Variants in ITSN1 observed in about 807,000 individuals in gnomAD.
ITSN1 encodes intersectin-1.
ITSN1 carries 58 observed loss-of-function variants against 239.8 expected under a neutral mutation model. The ratio of observed to expected loss-of-function variants is 0.24; its 90% CI spans 0.20 to 0.30. The LOEUF is 0.30. ITSN1 is among the 10% of genes least tolerant of loss of function. The pLI is 1.00. For missense variants in ITSN1, 1,558 were observed against 2,103.3 expected, an observed-to-expected ratio of 0.74 and a Z score of 5.07; for synonymous variants, 780 against 770.8, an observed-to-expected ratio of 1.01 and a Z score of -0.20.
intron 26 of ITSN1, chr21:33,828,891 A>G: frequency 4.4e-6 from 2 of 457,400 alleles, no homozygotes; most frequent in Non-Finnish European, 4.5e-6. Flanking sequence ...TTTCACATTC[A>G]GGAAAAGTAC....
intron 26 of ITSN1, chr21:33,828,879 CT>C (rs2074125320): frequency 2.2e-6 from 1 of 454,786 alleles, no homozygotes; most frequent in South Asian, 1.6e-5. Context: ...TCCCATGGGA[CT>C]TTTCACATTC....
At chr21:33,762,095 T>A (rs1330118020) in intron 9 of ITSN1, 109 bp downstream of exon 9, 3 of 802,546 alleles carry the variant, frequency 3.7e-6, no homozygotes, top group Non-Finnish European at 6.6e-6. Flanking sequence ...ATATGTAGAA[T>A]TTGCTTAATT....
At chr21:33,690,862 AAAG>A (rs1489735404) in intron 1 of ITSN1, among the ~76,000 whole-genome samples, 25 of 127,430 alleles carry the variant, frequency 2.0e-4, no homozygotes, top group Non-Finnish European at 3.5e-4. Flanking sequence ...AAAAAAAAAA[AAAG>A]ACCCATTTCT....
chr21:33,871,696 G>A (rs1239502955), intron 33 of ITSN1, among the ~76,000 whole-genome samples: 5 of 151,636 alleles, frequency 3.3e-5, no homozygotes, highest in South Asian at 2.1e-4. Flanking sequence ...AGCCGAGATC[G>A]CGCCACTGCA....
At chr21:33,800,941 C>G (rs1251741190) in intron 19 of ITSN1, among the ~76,000 whole-genome samples, 1 of 151,838 alleles carries the variant, frequency 6.6e-6, no homozygotes, top group African/African-American at 2.4e-5. Context: ...CTCTGCCTCC[C>G]TGCAACCTCT....
chr21:33,855,751 A>G (rs743314), intron 29 of ITSN1, among the ~76,000 whole-genome samples: 10,323 of 152,336 alleles, frequency 0.068, 530 homozygotes, highest in African/African-American at 0.14. Context: ...CTTGGCCTCC[A>G]TGATGGTCTT....
chr21:33,851,410 T>A (rs1569301680), intron 29 of ITSN1, among the ~76,000 whole-genome samples: 1 of 152,072 alleles, frequency 6.6e-6, no homozygotes, highest in Non-Finnish European at 1.5e-5. Flanking sequence ...TTTTTTCTTT[T>A]TTTTTTGAGA....
At chr21:33,877,273 C>T (rs377224036) in intron 34 of ITSN1, among the ~76,000 whole-genome samples, 3 of 151,898 alleles carry the variant, frequency 2.0e-5, no homozygotes, top group Admixed American at 6.6e-5. Context: ...AGTCTGGTCT[C>T]GAACTCCTGG....
At chr21:33,704,853 C>T (rs113372942) in intron 1 of ITSN1, among the ~76,000 whole-genome samples, 11,592 of 147,304 alleles carry the variant, frequency 0.079, 1,548 homozygotes, top group African/African-American at 0.28. Flanking sequence ...CTTTGGGAGG[C>T]CAGGGTGGGC....
At chr21:33,793,108 T>C (rs1414330409) in intron 16 of ITSN1, among the ~76,000 whole-genome samples, 1 of 152,168 alleles carries the variant, frequency 6.6e-6, no homozygotes, top group Admixed American at 6.5e-5. Context: ...TTAGCAAAAT[T>C]AGTAGGAAAA....
At chr21:33,778,108 CAT>C (rs1006019962) in intron 14 of ITSN1, among the ~76,000 whole-genome samples, 20 of 152,258 alleles carry the variant, frequency 1.3e-4, no homozygotes, top group African/African-American at 4.6e-4. Context: ...ATCAGCCTTC[CAT>C]TCTTGGGATA....
chr21:33,812,380 A>G (rs1300245249), intron 21 of ITSN1, among the ~76,000 whole-genome samples: 1 of 152,250 alleles, frequency 6.6e-6, no homozygotes, highest in African/African-American at 2.4e-5. Flanking sequence ...TATTTTCCAA[A>G]TGAAAAATCA....
At chr21:33,791,177 C>T (rs2071100181) in intron 16 of ITSN1, among the ~76,000 whole-genome samples, 1 of 152,108 alleles carries the variant, frequency 6.6e-6, no homozygotes, top group Non-Finnish European at 1.5e-5. Context: ...TCTTTAAGTC[C>T]AAGAAAAGAG....
chr21:33,788,329 A>G (rs2070830041), intron 16 of ITSN1, among the ~76,000 whole-genome samples: 1 of 152,184 alleles, frequency 6.6e-6, no homozygotes, highest in African/African-American at 2.4e-5. Flanking sequence ...TGACACATTG[A>G]CTACCATTTT....
chr21:33,705,911 AT>A (rs1417600921), intron 1 of ITSN1, among the ~76,000 whole-genome samples: 1 of 151,762 alleles, frequency 6.6e-6, no homozygotes, highest in Non-Finnish European at 1.5e-5. Context: ...AGCAGCTTTA[AT>A]TTTTTTTCTG....
At chr21:33,725,124 T>G (rs1239802383) in intron 4 of ITSN1, among the ~76,000 whole-genome samples, 3 of 124,450 alleles carry the variant, frequency 2.4e-5, no homozygotes, top group African/African-American at 1.0e-4. Context: ...AAAAAAATTT[T>G]TTTTTTTTGT....
At chr21:33,844,194 C>T (rs749378892) in intron 29 of ITSN1, among the ~76,000 whole-genome samples, 7 of 152,198 alleles carry the variant, frequency 4.6e-5, no homozygotes, top group Non-Finnish European at 8.8e-5. Flanking sequence ...GCTTTTTAAA[C>T]GCCTTCGCTG....
chr21:33,794,450 A>G lies in ITSN1; in HGVS notation c.1934A>G (p.Gln645Arg). ...QERKIIELEK[Q>R]KEEAQRRAQE... is the part of the protein sequence containing the mutation. ...CGAAAGATCATAGAATTAGAAAAACAAAAAGAAGAAGCCCAAAGGTGAGTC... is the reference window on the plus strand; with the variant it reads ...CGAAAGATCATAGAATTAGAAAAACGAAAAGAAGAAGCCCAAAGGTGAGTC... The change falls in exon 17 of 40, where the codon CAA becomes CGA. Residue 645 changes from glutamine (Q) to arginine (R), a missense_variant. Coordinates refer to ENST00000381318, the MANE Select transcript of ITSN1 (RefSeq NM_003024.3). 8 of 1,612,804 alleles carry G rather than the reference A, an allele frequency of 5.0e-6. No individual in the cohort carries two copies. The highest frequency in any genetic ancestry group is 6.8e-6 in the Non-Finnish European group (8 of 1,179,626).
chr21:33,852,359 T>C (rs1602596363), intron 29 of ITSN1, among the ~76,000 whole-genome samples: 1 of 152,180 alleles, frequency 6.6e-6, no homozygotes, highest in East Asian at 1.9e-4. Context: ...GTAGAATAAT[T>C]GGAGGTGTGG....
Sources: allele counts gnomAD v4.1 joint callset (sites outside exome capture counted in the v4.1 genomes callset), GRCh38; gene constraint gnomAD v4.1.1; transcripts MANE v1.5; gene names NCBI Gene and HGNC (gene_info 2026-07-23, HGNC 2026-07-21).